MYO9B: variants seen among roughly 807,000 people sequenced by gnomAD.
MYO9B encodes myosin IXB, also known as unconventional myosin-IXb.
MYO9B carries 71 observed loss-of-function variants against 229.5 expected under a neutral mutation model. The ratio of observed to expected loss-of-function variants is 0.31; its 90% CI spans 0.26 to 0.38. The LOEUF (loss-of-function observed/expected upper bound fraction) is 0.38. Ranked by LOEUF, MYO9B falls within the 10% of genes least tolerant of loss-of-function variation. MYO9B has a pLI of 1.00. For missense variants in MYO9B, 2,255 were observed against 2,920.5 expected (o/e 0.77, Z 5.25); for synonymous variants, 1,185 against 1,235.8 (o/e 0.96, Z 0.86).
intron 20 of MYO9B, among the ~76,000 whole-genome samples, chr19:17,192,013 G>A (rs1012584768): frequency 1.3e-5 from 2 of 151,930 alleles, no homozygotes; most frequent in Non-Finnish European, 2.9e-5. Flanking sequence ...GCCCAGACAG[G>A]TGGTGTGATC....
intron 2 of MYO9B, among the ~76,000 whole-genome samples, chr19:17,118,157 C>T (rs1050932704): frequency 1.8e-4 from 28 of 151,992 alleles, no homozygotes; most frequent in Admixed American, 1.7e-3. Flanking sequence ...AGGACGGCCC[C>T]CCTCTTTAAA....
At chr19:17,171,476 G>A (rs1320020441) in intron 11 of MYO9B, among the ~76,000 whole-genome samples, 1 of 152,172 alleles carries the variant, frequency 6.6e-6, no homozygotes, top group Admixed American at 6.5e-5. Flanking sequence ...AGTCACCCAG[G>A]CCCAGGATTA....
intron 32 of MYO9B, 23 bp from the exon 33 acceptor site, chr19:17,206,225 G>GGGGGCCCCCCCCC: frequency 1.5e-5 from 23 of 1,564,624 alleles, no homozygotes; most frequent in Non-Finnish European, 1.7e-5. Flanking sequence ...CCGCTCACCA[G>GGGGGCCCCCCCCC]ACCCACCCCA....
Position 17,206,634 on chromosome 19 carries a change from TG to T in MYO9B, c.5387-41del, listed in dbSNP as rs774808387. On this transcript the variant is annotated intron_variant, in intron 33 of 39. Transcript: ENST00000682292. ...GTGTTGGTGGGGACAACAGGCACCT[TG>T]GGGACCCTTGGGAGCTGACGTCCTC... 16 of 1,507,420 alleles carry T rather than the reference TG, an allele frequency of 1.1e-5. No individual in the cohort carries two copies. In the African/African-American group the frequency reaches 1.8e-4, roughly 17 times the overall value. 93.4% of individuals were successfully genotyped at this position (1,507,420 alleles called of 1,614,324 possible).
intron 2 of MYO9B, among the ~76,000 whole-genome samples, chr19:17,138,667 G>T (rs2072301213): frequency 6.6e-6 from 1 of 152,088 alleles, no homozygotes; most frequent in Admixed American, 6.6e-5. Context: ...AATCTGTTCG[G>T]GCTACTGTCA....
chr19:17,094,380 C>G (rs2123493724), intron 1 of MYO9B, among the ~76,000 whole-genome samples: 1 of 152,188 alleles, frequency 6.6e-6, no homozygotes, highest in African/African-American at 2.4e-5. Flanking sequence ...GAAATTGTTG[C>G]ATAATAGGCT....
chr19:17,139,535 A>T (rs1310590806), intron 2 of MYO9B, among the ~76,000 whole-genome samples: 1 of 152,136 alleles, frequency 6.6e-6, no homozygotes, highest in Non-Finnish European at 1.5e-5. Flanking sequence ...GCTTGAGCCC[A>T]GGAGTTTGAG....
intron 2 of MYO9B, among the ~76,000 whole-genome samples, chr19:17,139,608 C>T (rs555058783): frequency 1.1e-4 from 17 of 152,082 alleles, no homozygotes; most frequent in Middle Eastern, 3.4e-3. Flanking sequence ...TGTGCTGACA[C>T]GTGCCTGTAG....
intron 14 of MYO9B, chr19:17,178,278 G>A (rs944630527): frequency 6.6e-6 from 1 of 152,188 alleles, no homozygotes; most frequent in African/African-American, 2.4e-5. Context: ...GGTCCTTCCA[G>A]GCCACCTGCC....
chr19:17,134,770 T>C (rs2072248418), intron 2 of MYO9B, among the ~76,000 whole-genome samples: 1 of 152,128 alleles, frequency 6.6e-6, no homozygotes, highest in South Asian at 2.1e-4. Context: ...GTGGGGTTTT[T>C]TGTTTTTTTT....
At position 17,212,656 on chromosome 19, in the gene MYO9B, A is replaced by C; in HGVS notation, c.*346A>C. ...TGTAACAGCCTTAATGGAAGACCAA[A>C]TGGTTTTTTATATGTGTATGTACAA... On this transcript the variant is annotated 3_prime_UTR_variant, in exon 40 of 40. Coordinates refer to ENST00000682292, the MANE Select transcript of MYO9B (RefSeq NM_004145.4). This position sits in a 1 kb window ranked among gnomAD's most constrained non-coding sequence, Gnocchi z 5.4. 2 of 270,784 alleles carry C rather than the reference A, an allele frequency of 7.4e-6. No individual in the cohort carries two copies. Among genetic ancestry groups the C allele is most frequent in the African/African-American group, 2.2e-5 (1 of 45,276 alleles). The allele number at this position is 270,784 out of a possible 1,614,324, so 16.8% of individuals were successfully genotyped here.
At chr19:17,148,018 T>C (rs1870068) in intron 3 of MYO9B, among the ~76,000 whole-genome samples, 48,607 of 151,944 alleles carry the variant, frequency 0.32, 7,975 homozygotes, top group East Asian at 0.43. Flanking sequence ...CTGTCTCCCA[T>C]GGAAGCCACA....
intron 2 of MYO9B, among the ~76,000 whole-genome samples, chr19:17,130,772 CA>C (rs71180365): frequency 0.17 from 21,987 of 132,778 alleles, 1,920 homozygotes; most frequent in East Asian, 0.3. Flanking sequence ...GACTTGGTCT[CA>C]AAAAAAAAAA....
At chr19:17,161,795 G>A (rs1205897419) in intron 8 of MYO9B, among the ~76,000 whole-genome samples, 1 of 151,766 alleles carries the variant, frequency 6.6e-6, no homozygotes, top group East Asian at 1.9e-4. Context: ...CAGCCTGGGC[G>A]ATAGAACAAG....
At chr19:17,137,225 CAAA>C (rs34273602) in intron 2 of MYO9B, among the ~76,000 whole-genome samples, 54 of 91,730 alleles carry the variant, frequency 5.9e-4, no homozygotes, top group African/African-American at 8.9e-4. Flanking sequence ...CAAACTGTCT[CAAA>C]AAAAAAAAAA....
chr19:17,200,715 C>T lies in MYO9B; in HGVS notation c.4449C>T (p.Asn1483=), dbSNP rs1482111151. 3.1e-6 allele frequency: 5 copies of T among 1,614,038 alleles called. No homozygotes were observed. The highest frequency in any genetic ancestry group is 4.2e-6 in the Non-Finnish European group (5 of 1,179,902). ...AACCAGGAGGCAAAGGGAAGAAGAA[C>T]CGAAATGTCAAGATTGGGAAGATCA... The part of the protein sequence containing the change: ...TKEPGGKGKK[N]RNVKIGKITV... The change falls in exon 26 of 40, where the codon AAC becomes AAT. Residue 1483 remains asparagine (N), a synonymous_variant. Coordinates refer to ENST00000682292, the MANE Select transcript of MYO9B (RefSeq NM_004145.4).
intron 2 of MYO9B, among the ~76,000 whole-genome samples, chr19:17,131,429 C>T (rs756282166): frequency 7.2e-5 from 11 of 152,148 alleles, no homozygotes; most frequent in Admixed American, 3.9e-4. Context: ...CCACCATGCC[C>T]GGCTAATTTT....
chr19:17,209,665 G>A lies in MYO9B; in HGVS notation c.5704G>A (p.Glu1902Lys), dbSNP rs1456847847. Residue 1902 changes from glutamate to lysine, a missense_variant, in exon 36 of 40, where the codon GAG (glutamate) becomes AAG (lysine). Glu to Lys is a moderately conservative substitution (Grantham distance 56, BLOSUM62 1). Around this residue, in one of 7 missense-constraint regions of MYO9B, gnomAD observed 416 missense variants for 605.5 expected, o/e 0.69. Coordinates refer to ENST00000682292, the MANE Select transcript of MYO9B (RefSeq NM_004145.4). The part of the protein sequence containing the change: ...MEEISQLEAA[E>K]SIAFRRLSLL... ...GGAGATCAGCCAACTGGAGGCTGCA[G>A]AGAGTATCGCCTTCCGCAGGCTTTC... is the stretch of plus-strand genomic sequence containing the variant. 6.2e-7 allele frequency: 1 copy of A among 1,612,940 alleles called. No individual in the cohort carries two copies. The highest frequency in any genetic ancestry group is 8.5e-7 in the Non-Finnish European group (1 of 1,179,524).
chr19:17,152,797 G>T, intron 4 of MYO9B, 91 bp downstream of exon 4: 1 of 1,202,562 alleles, frequency 8.3e-7, no homozygotes, highest in Non-Finnish European at 1.2e-6. Context: ...ACGTCCTGAG[G>T]TCGGAGGAAT....
Sources: allele counts gnomAD v4.1 joint callset (sites outside exome capture counted in the v4.1 genomes callset), GRCh38; gene constraint gnomAD v4.1.1; regional missense constraint gnomAD v4.1.1; non-coding constraint Gnocchi (gnomAD v3.1); transcripts MANE v1.5; gene names NCBI Gene and HGNC (gene_info 2026-07-23, HGNC 2026-07-21).